The following PDZD2 variants were observed in gnomAD, a reference collection of about 807,000 sequenced individuals.
The protein encoded by PDZD2 is PDZ domain containing 2, also known as PDZ domain-containing protein 2.
PDZD2 carries 90 observed loss-of-function variants against 220.7 expected under a neutral mutation model. The ratio of observed to expected loss-of-function variants is 0.41; its 90% CI spans 0.34 to 0.49. PDZD2 has a LOEUF of 0.49. Ranked by LOEUF, PDZD2 falls within the 20% of genes least tolerant of loss-of-function variation. The pLI is 0.28. For synonymous variants in PDZD2, 1,375 were observed against 1,450.5 expected (o/e 0.95, Z 1.18); for missense variants, 3,174 against 3,608.5 (o/e 0.88, Z 3.08).
chr5:32,083,502 T>G lies in PDZD2; in HGVS notation c.3683-3629T>G, dbSNP rs1742166332. The stretch of plus-strand genomic sequence containing the variant: ...AACGAGTCAACCTTCCTCCCATGAT[T>G]GGGCATTTCGAACGTTTCCAGAGAA... On this transcript the variant is annotated intron_variant, in intron 19 of 24. Coordinates refer to ENST00000438447, the MANE Select transcript of PDZD2 (RefSeq NM_178140.4). The surrounding 1 kb of genome is among the most constrained non-coding windows in gnomAD (Gnocchi z 4.1). 3 of 152,292 alleles carry G rather than the reference T, an allele frequency of 2.0e-5. No individual in the cohort carries two copies. The South Asian group carries it at 6.2e-4, about 32-fold the overall frequency. The allele number at this position is 152,292 out of a possible 1,614,324, so 9.4% of individuals were successfully genotyped here. A position where few individuals can be genotyped will look rare whatever the true frequency, so the allele number is the denominator to read the frequency against.
chr5:32,066,825 G>T (rs1740254108), intron 14 of PDZD2, among the ~76,000 whole-genome samples: 1 of 152,204 alleles, frequency 6.6e-6, no homozygotes, highest in East Asian at 1.9e-4. Flanking sequence ...TCAGCGCAAA[G>T]CATCATATCT....
intron 10 of PDZD2, among the ~76,000 whole-genome samples, chr5:32,054,743 A>C (rs1448673195): frequency 6.6e-6 from 1 of 152,226 alleles, no homozygotes. Flanking sequence ...TCTACCTTGC[A>C]AATAATTTTT....
At chr5:31,833,763 C>G (rs73753519) in intron 2 of PDZD2, among the ~76,000 whole-genome samples, 11,226 of 152,254 alleles carry the variant, frequency 0.074, 1,382 homozygotes, top group African/African-American at 0.26. Flanking sequence ...AGCTTTCTAC[C>G]GTTTATCCTG....
chr5:31,973,196 T>C (rs1749458514), intron 2 of PDZD2, among the ~76,000 whole-genome samples: 1 of 152,202 alleles, frequency 6.6e-6, no homozygotes, highest in African/African-American at 2.4e-5. Context: ...GCTTACGTGA[T>C]AGAAAGGCCA....
intron 1 of PDZD2, among the ~76,000 whole-genome samples, chr5:31,708,927 G>A (rs867141276): frequency 2.3e-4 from 35 of 150,648 alleles, no homozygotes; most frequent in South Asian, 1.5e-3. Flanking sequence ...TCACTCTGTC[G>A]CCCAGGCTGG....
At chr5:31,813,500 A>G (rs1197476002) in intron 2 of PDZD2, among the ~76,000 whole-genome samples, 1 of 152,036 alleles carries the variant, frequency 6.6e-6, no homozygotes, top group Non-Finnish European at 1.5e-5. Flanking sequence ...ACGTGAATAC[A>G]AATAGTTTAA....
rs534190618 is a variant in PDZD2, at chr5:31,860,083, T to C, written c.476+60359T>C. On this transcript the variant is annotated intron_variant, in intron 2 of 24. Coordinates refer to ENST00000438447, the MANE Select transcript of PDZD2 (RefSeq NM_178140.4). The stretch of plus-strand genomic sequence containing the variant: ...AGAAATCCCCTACACTGAGGGGAGT[T>C]GGTTGGCTGCAGTGTTCTGGGAACC... Among the ~76,000 whole-genome samples the C allele has an allele frequency of 4.6e-5, 7 of 152,218 alleles. No homozygotes were observed. In the South Asian group the frequency reaches 1.5e-3, roughly 32 times the overall value.
intron 1 of PDZD2, among the ~76,000 whole-genome samples, chr5:31,690,017 C>G (rs1747055791): frequency 6.6e-6 from 1 of 152,060 alleles, no homozygotes; most frequent in Admixed American, 6.6e-5. Context: ...CGTGTCCTGT[C>G]CCCACAGTTA....
At chr5:31,917,818 C>T (rs1743824423) in intron 2 of PDZD2, among the ~76,000 whole-genome samples, 1 of 152,220 alleles carries the variant, frequency 6.6e-6, no homozygotes, top group African/African-American at 2.4e-5. Context: ...TCTCGGCTCA[C>T]TGCAGCCTCT....
intron 1 of PDZD2, chr5:31,725,627 CT>C: frequency 3.1e-6 from 4 of 1,281,652 alleles, no homozygotes; most frequent in Non-Finnish European, 4.6e-6. Context: ...CTAGGTGGTC[CT>C]TTTTTCCTTG....
intron 14 of PDZD2, among the ~76,000 whole-genome samples, chr5:32,063,777 A>G (rs1739919027): frequency 2.0e-5 from 3 of 152,276 alleles, no homozygotes. Context: ...TACGAACTAC[A>G]CAAATGTGGG....
chr5:31,834,303 A>G (rs919981861), intron 2 of PDZD2, among the ~76,000 whole-genome samples: 1 of 152,214 alleles, frequency 6.6e-6, no homozygotes, highest in Non-Finnish European at 1.5e-5. Context: ...GATATGGAAC[A>G]GGATATGCCC....
chr5:31,902,696 C>T (rs1742211718), intron 2 of PDZD2, among the ~76,000 whole-genome samples: 1 of 149,928 alleles, frequency 6.7e-6, no homozygotes, highest in South Asian at 2.2e-4. Flanking sequence ...CCCGTCTCTA[C>T]TAAAAAAAAT....
chr5:31,892,556 G>A (rs1213208293), intron 2 of PDZD2, among the ~76,000 whole-genome samples: 2 of 152,102 alleles, frequency 1.3e-5, no homozygotes, highest in Non-Finnish European at 1.5e-5. Context: ...CAGGTGTAGT[G>A]GGCCTAGTTT....
chr5:31,930,038 C>T (rs1480250086), intron 2 of PDZD2, among the ~76,000 whole-genome samples: 2 of 152,080 alleles, frequency 1.3e-5, no homozygotes, highest in Admixed American at 1.3e-4. Flanking sequence ...ATGTGAAGTG[C>T]CTGCTTCTGC....
chr5:31,692,036 G>A (rs1344271341), intron 1 of PDZD2, among the ~76,000 whole-genome samples: 1 of 152,196 alleles, frequency 6.6e-6, no homozygotes, highest in African/African-American at 2.4e-5. Context: ...TTGGGTGGTC[G>A]ATGGGACTGG....
intron 2 of PDZD2, among the ~76,000 whole-genome samples, chr5:31,949,554 A>G (rs77097226): frequency 2.0e-5 from 3 of 151,888 alleles, no homozygotes; most frequent in Non-Finnish European, 2.9e-5. Flanking sequence ...TATTTTTTGT[A>G]TGAAACCATC....
chr5:31,942,383 ATG>A (rs10581247), intron 2 of PDZD2, among the ~76,000 whole-genome samples: 103,603 of 150,866 alleles, frequency 0.69, 36,106 homozygotes, highest in East Asian at 0.83. Flanking sequence ...GCTTATGGGC[ATG>A]TGTGTGTGTG....
intron 2 of PDZD2, chr5:31,840,484 A>G: frequency 3.3e-6 from 1 of 302,110 alleles, no homozygotes; most frequent in Non-Finnish European, 6.1e-6. Context: ...TTTTTTTAAC[A>G]GTAGCTATTT....
Sources: allele counts gnomAD v4.1 joint callset (sites outside exome capture counted in the v4.1 genomes callset), GRCh38; gene constraint gnomAD v4.1.1; non-coding constraint Gnocchi (gnomAD v3.1); transcripts MANE v1.5; gene names NCBI Gene and HGNC (gene_info 2026-07-23, HGNC 2026-07-21).